The following TXLNG variants were observed in gnomAD, a reference collection of about 807,000 sequenced individuals.
The protein encoded by TXLNG is taxilin gamma, also known as gamma-taxilin.
TXLNG carries 5 observed loss-of-function variants against 38.8 expected under a neutral mutation model. The observed-to-expected ratio is 0.13, with a 90% CI of 0.07 to 0.27. TXLNG has a LOEUF of 0.27. Ranked by LOEUF, TXLNG falls within the 10% of genes least tolerant of loss-of-function variation. TXLNG has a pLI of 1.00. For synonymous variants in TXLNG, 182 were observed against 158.2 expected, an observed-to-expected ratio of 1.15 and a Z score of -1.13; for missense variants, 393 against 398.2, an observed-to-expected ratio of 0.99 and a Z score of 0.11.
intron 1 of TXLNG, among the ~76,000 whole-genome samples, chrX:16,807,125 A>G (rs1018959569): frequency 7.2e-5 from 8 of 110,755 alleles, no homozygotes; most frequent in African/African-American, 2.6e-4. Flanking sequence ...TTAAAAAACA[A>G]CAAACTAACT....
chrX:16,812,407 T>A (rs1210581823), intron 1 of TXLNG, among the ~76,000 whole-genome samples: 1 of 106,083 alleles, frequency 9.4e-6, no homozygotes, highest in Non-Finnish European at 1.9e-5. Context: ...TTTTTTTTTT[T>A]TTTTGTGAGA....
Position 16,818,886 on chromosome X carries a change from C to G in TXLNG, c.406+9C>G, listed in dbSNP as rs376333266. 4 of 1,187,498 alleles carry G rather than the reference C, an allele frequency of 3.4e-6. No homozygotes were observed. In the African/African-American group the frequency reaches 5.3e-5, roughly 16 times the overall value. On this transcript the variant is annotated intron_variant, in intron 2 of 9. Transcript: ENST00000380122. ...CAAAGAAAAAACTTTAGGTAATAATCCGTTCAGTGGTTGGACGTTTCACAT... is the reference window on the plus strand; with the variant it reads ...CAAAGAAAAAACTTTAGGTAATAATGCGTTCAGTGGTTGGACGTTTCACAT...
At chrX:16,833,776 T>G (rs993642041) in intron 6 of TXLNG, among the ~76,000 whole-genome samples, 9 of 111,730 alleles carry the variant, frequency 8.1e-5, no homozygotes, top group African/African-American at 2.9e-4. Flanking sequence ...TGTGATTTTC[T>G]TGAAAGCACA....
intron 1 of TXLNG, among the ~76,000 whole-genome samples, chrX:16,805,055 A>G (rs1216455848): frequency 1.2e-5 from 1 of 86,349 alleles, no homozygotes; most frequent in Non-Finnish European, 2.1e-5. Flanking sequence ...GCAGTGGTGC[A>G]GTCATAGCTT....
chrX:16,840,492 GGCT>G, intron 9 of TXLNG: 2 of 751,307 alleles, frequency 2.7e-6, no homozygotes, highest in Non-Finnish European at 3.1e-6. Flanking sequence ...CCTTGTTCTC[GGCT>G]GGGCACAGTG....
intron 1 of TXLNG, among the ~76,000 whole-genome samples, chrX:16,802,822 T>C (rs758048844): frequency 3.3e-5 from 1 of 30,202 alleles, no homozygotes; most frequent in Non-Finnish European, 9.5e-5. Context: ...TCTTTCTTTC[T>C]TTTTTTTTTT....
intron 1 of TXLNG, among the ~76,000 whole-genome samples, chrX:16,816,863 G>T (rs956985926): frequency 8.9e-6 from 1 of 112,004 alleles, no homozygotes; most frequent in Non-Finnish European, 1.9e-5. Context: ...ATTGAGAAAA[G>T]TATACAAATC....
chrX:16,811,644 G>A (rs974612234), intron 1 of TXLNG, among the ~76,000 whole-genome samples: 4 of 108,164 alleles, frequency 3.7e-5, no homozygotes, highest in Non-Finnish European at 5.7e-5. Flanking sequence ...CACCGTGGCC[G>A]GCTTTTTTTT....
At chrX:16,813,325 T>C (rs1321104548) in intron 1 of TXLNG, among the ~76,000 whole-genome samples, 1 of 110,643 alleles carries the variant, frequency 9.0e-6, no homozygotes, top group Non-Finnish European at 1.9e-5. Flanking sequence ...GGAACCCCCA[T>C]ACACTTCTAG....
At chrX:16,813,631 C>T (rs1472993625) in intron 1 of TXLNG, among the ~76,000 whole-genome samples, 2 of 97,932 alleles carry the variant, frequency 2.0e-5, no homozygotes, top group East Asian at 3.1e-4. Flanking sequence ...AGCGAGACCT[C>T]GTCTCCAAAA....
At chrX:16,795,149 C>T (rs1342615803) in intron 1 of TXLNG, among the ~76,000 whole-genome samples, 10 of 109,431 alleles carry the variant, frequency 9.1e-5, no homozygotes, top group Admixed American at 8.9e-4. Context: ...TGGTGGTGGG[C>T]GCCTGTAGTC....
intron 1 of TXLNG, among the ~76,000 whole-genome samples, chrX:16,796,237 G>A (rs748990502): frequency 4.7e-5 from 5 of 105,953 alleles, no homozygotes; most frequent in South Asian, 4.2e-4. Context: ...TCCTGGGCTC[G>A]AGGGATCCTC....
intron 7 of TXLNG, among the ~76,000 whole-genome samples, chrX:16,836,326 G>A (rs751142631): frequency 8.9e-6 from 1 of 112,174 alleles, no homozygotes; most frequent in Admixed American, 9.4e-5. Flanking sequence ...CTCCCTCTGC[G>A]TGAGCACCAC....
At chrX:16,808,307 A>G (rs1268852068) in intron 1 of TXLNG, among the ~76,000 whole-genome samples, 1 of 112,069 alleles carries the variant, frequency 8.9e-6, no homozygotes, top group Non-Finnish European at 1.9e-5. Flanking sequence ...GATTTTCTGC[A>G]GGGAAGGGTT....
chrX:16,831,737 TTGTA>T (rs1929419199), intron 5 of TXLNG, among the ~76,000 whole-genome samples: 2 of 112,110 alleles, frequency 1.8e-5, no homozygotes, highest in Non-Finnish European at 3.8e-5. Flanking sequence ...TTAAATCATA[TTGTA>T]TGTGTCTTAT....
At chrX:16,791,210 C>T (rs1401412062) in intron 1 of TXLNG, among the ~76,000 whole-genome samples, 2 of 111,921 alleles carry the variant, frequency 1.8e-5, no homozygotes, top group African/African-American at 6.5e-5. Context: ...ATTCTCTCCT[C>T]TTCCCAGAAT....
intron 1 of TXLNG, among the ~76,000 whole-genome samples, chrX:16,808,707 A>G (rs1226783833): frequency 9.0e-6 from 1 of 111,445 alleles, no homozygotes; most frequent in South Asian, 3.7e-4. Context: ...TAATTATATA[A>G]CCACCTTATT....
chrX:16,813,524 T>A (rs1928613873), intron 1 of TXLNG, among the ~76,000 whole-genome samples: 1 of 107,709 alleles, frequency 9.3e-6, no homozygotes, highest in Non-Finnish European at 1.9e-5. Flanking sequence ...GGCACATACC[T>A]GTAATCTCAG....
rs936952340 is a variant in TXLNG at position 16,825,441 on chromosome X, A to G, written c.499-2653A>G. 3.6e-5 allele frequency among the ~76,000 whole-genome samples: 4 copies of G among 112,601 alleles called. No individual in the cohort carries two copies. The East Asian group carries it at 8.3e-4, about 23-fold the overall frequency. On this transcript the variant is annotated intron_variant, in intron 3 of 9. Coordinates refer to ENST00000380122, the MANE Select transcript of TXLNG (RefSeq NM_018360.3). ...ACATGAGAATGTTCATACCACTGTG[A>G]GTAATAACAAAACCTAGAGACAGCC...
Sources: gnomAD v4.1 joint callset for allele counts (sites outside exome capture counted in the v4.1 genomes callset) on GRCh38, gnomAD v4.1.1 for gene constraint, MANE v1.5 for transcripts, NCBI Gene and HGNC (gene_info 2026-07-23, HGNC 2026-07-21) for gene names.